ANO6: variants seen among roughly 807,000 people sequenced by gnomAD.
The protein encoded by ANO6 is anoctamin-6.
Under a neutral mutation model 117.5 loss-of-function variants are expected in ANO6, and 106 were observed. That is an observed-to-expected ratio of 0.90 (90% confidence interval 0.77 to 1.06). The LOEUF (loss-of-function observed/expected upper bound fraction) is 1.06. Among genes scored for constraint, ANO6 ranks in the 50% least tolerant of loss-of-function variants. The pLI, the probability that ANO6 is intolerant of heterozygous loss-of-function variation, is 0.00. For synonymous variants in ANO6, 367 were observed against 385.1 expected (o/e 0.95, Z 0.55); for missense variants, 955 against 1,121.1 (o/e 0.85, Z 2.12).
chr12:45,259,997 A>G (rs556616258), intron 1 of ANO6, among the ~76,000 whole-genome samples: 1 of 152,346 alleles, frequency 6.6e-6, no homozygotes, highest in East Asian at 1.9e-4. Flanking sequence ...AGGCAGATTC[A>G]GTGTCCTTCT....
intron 7 of ANO6, among the ~76,000 whole-genome samples, chr12:45,353,903 G>A (rs572337845): frequency 7.0e-6 from 1 of 143,142 alleles, no homozygotes; most frequent in East Asian, 1.9e-4. Flanking sequence ...CCAATAGAAC[G>A]CATTAGAAAA....
At chr12:45,288,794 C>T (rs1938999831) in intron 1 of ANO6, among the ~76,000 whole-genome samples, 1 of 152,160 alleles carries the variant, frequency 6.6e-6, no homozygotes, top group Non-Finnish European at 1.5e-5. Flanking sequence ...GTCGCCCAGG[C>T]TGGAGTGCAG....
chr12:45,336,710 T>C (rs138940392), intron 3 of ANO6, among the ~76,000 whole-genome samples: 10 of 152,242 alleles, frequency 6.6e-5, no homozygotes, highest in Admixed American at 6.5e-4. Flanking sequence ...GTTACTGGTT[T>C]ATGTGTTTAC....
At chr12:45,330,366 A>G (rs1268749155) in intron 2 of ANO6, among the ~76,000 whole-genome samples, 3 of 152,168 alleles carry the variant, frequency 2.0e-5, no homozygotes, top group Non-Finnish European at 2.9e-5. Context: ...AATGAACACA[A>G]TGTACAAGTT....
intron 19 of ANO6, among the ~76,000 whole-genome samples, chr12:45,424,334 T>TTG (rs1943442790): frequency 8.2e-6 from 1 of 121,758 alleles, no homozygotes; most frequent in South Asian, 3.1e-4. Context: ...TGGGTTTTTT[T>TTG]TTTTTTTTTT....
intron 1 of ANO6, among the ~76,000 whole-genome samples, chr12:45,266,296 A>G (rs1938212146): frequency 6.6e-6 from 1 of 152,176 alleles, no homozygotes; most frequent in African/African-American, 2.4e-5. Flanking sequence ...TCCAGTTTTT[A>G]AAAATATTCA....
chr12:45,286,938 C>T (rs774421446), intron 1 of ANO6, among the ~76,000 whole-genome samples: 165 of 152,290 alleles, frequency 1.1e-3, no homozygotes, highest in Admixed American at 3.1e-3. Context: ...GTCTGTCTTA[C>T]TCCAGCAGCC....
chr12:45,394,975 G>A (rs1358851207), intron 12 of ANO6, among the ~76,000 whole-genome samples: 1 of 151,996 alleles, frequency 6.6e-6, no homozygotes, highest in Non-Finnish European at 1.5e-5. Context: ...GCTAGCAGAA[G>A]GCAAGAAATA....
At position 45,432,260 on chromosome 12, in the gene ANO6, ATTCTTTTATAATT is replaced by A; in HGVS notation, c.*2950_*2962del. 1 of 950,462 alleles carries A rather than the reference ATTCTTTTATAATT, an allele frequency of 1.1e-6. No individual in the cohort carries two copies. The allele number at this position is 950,462 out of a possible 1,614,324, so 58.9% of individuals were successfully genotyped here. A position where few individuals can be genotyped will look rare whatever the true frequency, so the allele number is the denominator to read the frequency against. On this transcript the variant is annotated 3_prime_UTR_variant, in exon 20 of 20. Coordinates refer to ENST00000320560, the MANE Select transcript of ANO6 (RefSeq NM_001025356.3). ...AATGTTAATTTCTGTGCATTTTAAT[ATTCTTTTATAATT>A]ATTAATGTTAATTTCTGTGCATTTT... is the stretch of plus-strand genomic sequence containing the variant.
intron 3 of ANO6, among the ~76,000 whole-genome samples, chr12:45,343,349 C>A (rs558625320): frequency 1.6e-4 from 24 of 152,256 alleles, no homozygotes; most frequent in African/African-American, 5.8e-4. Context: ...CCTGAGCTTT[C>A]ACATGCTAAC....
At chr12:45,434,065 C>T (rs1267059380), downstream of ANO6, among the ~76,000 whole-genome samples, 1 of 152,158 alleles carries the variant, frequency 6.6e-6, no homozygotes, top group Non-Finnish European at 1.5e-5. Flanking sequence ...TGTCACTTTA[C>T]CAACTGGAAG....
chr12:45,289,910 C>G (rs908605736), intron 1 of ANO6, among the ~76,000 whole-genome samples: 77 of 152,144 alleles, frequency 5.1e-4, no homozygotes, highest in African/African-American at 1.6e-3. Flanking sequence ...CTCACAATTC[C>G]TTAGAATTCA....
chr12:45,292,229 A>G (rs528195833), intron 1 of ANO6, among the ~76,000 whole-genome samples: 1 of 152,374 alleles, frequency 6.6e-6, no homozygotes, highest in South Asian at 2.1e-4. Flanking sequence ...CAAATATTGT[A>G]TAACTCTATT....
chr12:45,241,959 C>T (rs992922706), intron 1 of ANO6, among the ~76,000 whole-genome samples: 3 of 152,190 alleles, frequency 2.0e-5, no homozygotes, highest in African/African-American at 7.2e-5. Flanking sequence ...TAGAGGGACA[C>T]CTGCCTGTAT....
chr12:45,264,319 A>G (rs1350762351), intron 1 of ANO6, among the ~76,000 whole-genome samples: 2 of 152,194 alleles, frequency 1.3e-5, no homozygotes, highest in Admixed American at 6.5e-5. Context: ...AATTATGCTG[A>G]TAAGTTTGCA....
At chr12:45,421,813 A>G (rs764434409) in intron 18 of ANO6, among the ~76,000 whole-genome samples, 11 of 152,250 alleles carry the variant, frequency 7.2e-5, no homozygotes, top group Non-Finnish European at 2.9e-5. Flanking sequence ...AGTTCTCTGC[A>G]TCGATTTTAA....
At chr12:45,331,767 A>G (rs966986277) in intron 3 of ANO6, among the ~76,000 whole-genome samples, 4 of 152,240 alleles carry the variant, frequency 2.6e-5, no homozygotes, top group African/African-American at 9.6e-5. Context: ...GACAAGTGTA[A>G]TAACAACTAG....
At position 45,216,177 on chromosome 12, in the gene ANO6, C is replaced by T. The variant is rs1947306399; in HGVS notation, c.-145C>T. 5.3e-6 allele frequency: 5 copies of T among 936,230 alleles called. No homozygotes were observed. Among genetic ancestry groups the T allele is most frequent in the Non-Finnish European group, 8.1e-6 (5 of 615,344 alleles). The allele number at this position is 936,230 out of a possible 1,614,324, so 58.0% of individuals were successfully genotyped here. On this transcript the variant is annotated 5_prime_UTR_variant, in exon 1 of 20. Transcript: ENST00000320560. ...GTGGGTGCCTCGGCTCGGCTTTCCC[C>T]GGCGCTGGCTGGGCTCAGCGGCCCC...
Position 45,429,556 on chromosome 12 carries a change from T to A in ANO6, c.*245T>A, listed in dbSNP as rs1943586371. 1 of 1,293,670 alleles carries A rather than the reference T, an allele frequency of 7.7e-7. No homozygotes were observed. Among genetic ancestry groups the A allele is most frequent in the Non-Finnish European group, 9.8e-7 (1 of 1,016,514 alleles). 80.1% of individuals were successfully genotyped at this position (1,293,670 alleles called of 1,614,324 possible). A position where few individuals can be genotyped will look rare whatever the true frequency, so the allele number is the denominator to read the frequency against. On this transcript the variant is annotated 3_prime_UTR_variant, in exon 20 of 20. Coordinates refer to ENST00000320560, the MANE Select transcript of ANO6 (RefSeq NM_001025356.3). ...TCAATGTTACCTTTTTCTGATAAAT[T>A]GGAATTTTACAGAAAAAGTCCCTCA...
Sources: allele counts gnomAD v4.1 joint callset (sites outside exome capture counted in the v4.1 genomes callset), GRCh38; gene constraint gnomAD v4.1.1; transcripts MANE v1.5; gene names NCBI Gene and HGNC (gene_info 2026-07-23, HGNC 2026-07-21).